DISP1: variants seen among roughly 807,000 people sequenced by gnomAD.
DISP1 encodes the protein dispatched RND transporter family member 1, also known as protein dispatched homolog 1.
DISP1 carries 30 observed loss-of-function variants against 37.3 expected under a neutral mutation model. The ratio of observed to expected loss-of-function variants is 0.80; its 90% CI spans 0.60 to 1.09. The LOEUF is 1.09. Ranked by LOEUF, DISP1 falls within the 50% of genes least tolerant of loss-of-function variation. DISP1 has a pLI of 0.00. For missense variants in DISP1, 1,598 were observed against 1,879.5 expected (o/e 0.85, Z 2.77); for synonymous variants, 634 against 690.2 (o/e 0.92, Z 1.28).
chr1:222,969,551 G>A (rs907494394), intron 3 of DISP1, among the ~76,000 whole-genome samples: 3 of 151,788 alleles, frequency 2.0e-5, no homozygotes, highest in African/African-American at 4.8e-5. Context: ...GCAATCTAAC[G>A]TAACGTAGTA....
chr1:222,977,202 G>A (rs1291177992), intron 3 of DISP1, among the ~76,000 whole-genome samples: 1 of 111,306 alleles, frequency 9.0e-6, no homozygotes, highest in Non-Finnish European at 2.3e-5. Flanking sequence ...GCTAGTTTTT[G>A]TATTTTTTTT....
chr1:222,993,295 C>A (rs1041673954), intron 7 of DISP1, among the ~76,000 whole-genome samples: 18 of 152,110 alleles, frequency 1.2e-4, no homozygotes, highest in Admixed American at 9.2e-4. Flanking sequence ...GAAGGCACAG[C>A]CTAGAGGACA....
intron 1 of DISP1, among the ~76,000 whole-genome samples, chr1:222,821,107 A>C (rs1365750286): frequency 6.6e-6 from 1 of 152,146 alleles, no homozygotes; most frequent in Admixed American, 6.5e-5. Context: ...TGTAATCAGC[A>C]GGCCTGTTGT....
chr1:222,908,546 C>T lies in DISP1; in HGVS notation c.-158-19884C>T, dbSNP rs373079496. Among the ~76,000 whole-genome samples the T allele has an allele frequency of 2.4e-3, 370 of 152,220 alleles. 5 individuals carry two copies. Among genetic ancestry groups the T allele is most frequent in the African/African-American group, 8.2e-3 (340 of 41,544 alleles). On this transcript the variant is annotated intron_variant, in intron 1 of 8. Coordinates refer to ENST00000675850, the MANE Select transcript of DISP1 (RefSeq NM_001377229.1). ...CAGTATCTGGGATTACAGGCGCCCA[C>T]CACCATGCCCAGCTAATTTTTGTAT...
rs995520079 is a variant in DISP1, at chr1:222,841,641, G to T, written c.-159+26563G>T. Among the ~76,000 whole-genome samples the T allele has an allele frequency of 5.3e-5, 8 of 152,238 alleles. 1 individual carries two copies. In the South Asian group the frequency reaches 1.7e-3, roughly 32 times the overall value. On this transcript the variant is annotated intron_variant, in intron 1 of 8. Coordinates refer to ENST00000675850, the MANE Select transcript of DISP1 (RefSeq NM_001377229.1). ...ATTTATAGTAAATTTTATTAAAATAGAAATTTTCAAATGGTAATATTCACT... is the reference window on the plus strand; with the variant it reads ...ATTTATAGTAAATTTTATTAAAATATAAATTTTCAAATGGTAATATTCACT...
At chr1:222,836,444 T>A (rs1667058425) in intron 1 of DISP1, among the ~76,000 whole-genome samples, 1 of 152,200 alleles carries the variant, frequency 6.6e-6, no homozygotes, top group Non-Finnish European at 1.5e-5. Context: ...ACTATAATTA[T>A]GACAGACAAA....
At chr1:222,940,400 G>A (rs563007286) in intron 2 of DISP1, among the ~76,000 whole-genome samples, 3 of 152,104 alleles carry the variant, frequency 2.0e-5, no homozygotes, top group African/African-American at 4.8e-5. Context: ...CACAAAGAGG[G>A]AAATCTAGCC....
intron 1 of DISP1, among the ~76,000 whole-genome samples, chr1:222,816,271 GT>G (rs1661231117): frequency 6.6e-6 from 1 of 152,050 alleles, no homozygotes. Context: ...TTGCATTTAT[GT>G]TTTATTGGAT....
intron 3 of DISP1, among the ~76,000 whole-genome samples, chr1:222,965,365 GTTATT>G (rs1339278207): frequency 1.3e-5 from 2 of 152,108 alleles, no homozygotes; most frequent in African/African-American, 4.8e-5. Context: ...GTTGACTGTT[GTTATT>G]TTAAATATAT....
chr1:222,854,458 G>A (rs1399021563), intron 1 of DISP1, among the ~76,000 whole-genome samples: 1 of 152,030 alleles, frequency 6.6e-6, no homozygotes, highest in Non-Finnish European at 1.5e-5. Flanking sequence ...AACATCATGG[G>A]GGAAACTGCC....
intron 5 of DISP1, 118 bp downstream of exon 5, chr1:222,990,866 A>G (rs374403056): frequency 6.0e-5 from 82 of 1,373,330 alleles, no homozygotes; most frequent in East Asian, 5.2e-4. Flanking sequence ...TCAAGCAACA[A>G]TTCTCTTTCT....
At chr1:222,824,446 T>C (rs1415163581) in intron 1 of DISP1, among the ~76,000 whole-genome samples, 2 of 152,238 alleles carry the variant, frequency 1.3e-5, no homozygotes, top group Non-Finnish European at 2.9e-5. Context: ...TTATACACTG[T>C]TTTCTTCTAC....
rs993220961 is a variant in DISP1 at position 222,893,182 on chromosome 1, A to C, written c.-158-35248A>C. On this transcript the variant is annotated intron_variant, in intron 1 of 8. Transcript: ENST00000675850. The surrounding 1 kb of genome is among the most constrained non-coding windows in gnomAD (Gnocchi z 4.3). ...GTTGATAATTATAAACCATGCCTTTATTATTAAATCTTTTGTGTTAAGAAA... is the reference window on the plus strand; with the variant it reads ...GTTGATAATTATAAACCATGCCTTTCTTATTAAATCTTTTGTGTTAAGAAA... Among the ~76,000 whole-genome samples the C allele has an allele frequency of 6.6e-6, 1 of 152,216 alleles. No individual in the cohort carries two copies. Among genetic ancestry groups the C allele is most frequent in the Admixed American group, 6.5e-5 (1 of 15,290 alleles).
chr1:222,851,988 C>T (rs1668269878), intron 1 of DISP1, among the ~76,000 whole-genome samples: 1 of 151,996 alleles, frequency 6.6e-6, no homozygotes, highest in Admixed American at 6.6e-5. Flanking sequence ...AGGTCGAGAC[C>T]AGCCTGACCA....
intron 8 of DISP1, among the ~76,000 whole-genome samples, chr1:222,999,352 T>C (rs1679285603): frequency 6.6e-6 from 1 of 152,208 alleles, no homozygotes; most frequent in African/African-American, 2.4e-5. Flanking sequence ...AAATTATTCC[T>C]ATGAATCCCT....
chr1:222,957,267 T>C (rs1194277064), intron 3 of DISP1, among the ~76,000 whole-genome samples: 2 of 151,618 alleles, frequency 1.3e-5, no homozygotes, highest in Non-Finnish European at 2.9e-5. Context: ...CTCCCCCTGA[T>C]AAGTGGCAGA....
rs1178584011 is a variant in DISP1 at position 222,893,441 on chromosome 1, G to A, written c.-158-34989G>A. Among the ~76,000 whole-genome samples the A allele has an allele frequency of 2.6e-5, 4 of 152,214 alleles. No homozygotes were observed. The highest frequency in any genetic ancestry group is 4.8e-5 in the African/African-American group (2 of 41,450). On this transcript the variant is annotated intron_variant, in intron 1 of 8. Transcript: ENST00000675850. The surrounding 1 kb of genome is among the most constrained non-coding windows in gnomAD (Gnocchi z 4.3). The stretch of plus-strand genomic sequence containing the variant: ...CAGGCTGTGCTTGGCTCATGCTACC[G>A]GCCCGGATCCCACACCTGCCAAAGG...
chr1:222,990,816 G>T (rs1009701683), intron 5 of DISP1, 68 bp downstream of exon 5: 43 of 1,589,710 alleles, frequency 2.7e-5, no homozygotes, highest in Admixed American at 1.8e-4. Context: ...AATACATGTT[G>T]CATTATGTTA....
intron 8 of DISP1, among the ~76,000 whole-genome samples, chr1:222,996,589 T>C (rs1360883494): frequency 2.0e-5 from 3 of 152,316 alleles, no homozygotes; most frequent in African/African-American, 7.2e-5. Context: ...TAGCTGATAT[T>C]TAGTGAGTAT....
Sources: gnomAD v4.1 joint callset for allele counts (sites outside exome capture counted in the v4.1 genomes callset) on GRCh38, gnomAD v4.1.1 for gene constraint, Gnocchi (gnomAD v3.1) non-coding constraint, MANE v1.5 for transcripts, NCBI Gene and HGNC (gene_info 2026-07-23, HGNC 2026-07-21) for gene names.